The following DOCK8 variants were observed in gnomAD, a reference collection of about 807,000 sequenced individuals.
DOCK8 encodes dedicator of cytokinesis protein 8.
DOCK8 carries 141 observed loss-of-function variants against 245.6 expected under a neutral mutation model. That is an observed-to-expected ratio of 0.57 (90% CI 0.50 to 0.66). DOCK8 has a LOEUF of 0.66. DOCK8 is among the 30% of genes least tolerant of loss of function. The pLI is 0.00. For missense variants in DOCK8, 2,965 were observed against 2,603.4 expected, an observed-to-expected ratio of 1.14 and a Z score of -3.02; for synonymous variants, 1,168 against 970.2, an observed-to-expected ratio of 1.20 and a Z score of -3.79.
intron 1 of DOCK8, among the ~76,000 whole-genome samples, chr9:231,502 T>A (rs1328192792): frequency 6.6e-6 from 1 of 152,218 alleles, no homozygotes; most frequent in African/African-American, 2.4e-5. Context: ...AGTATGGCCA[T>A]TTTCACGATA....
At chr9:222,323 G>A (rs1457543253) in intron 1 of DOCK8, among the ~76,000 whole-genome samples, 1 of 152,034 alleles carries the variant, frequency 6.6e-6, no homozygotes, top group Admixed American at 6.5e-5. Flanking sequence ...AGTGTATAGA[G>A]TTTGATGGAG....
intron 28 of DOCK8, among the ~76,000 whole-genome samples, chr9:412,045 C>G (rs2055754791): frequency 6.6e-6 from 1 of 152,094 alleles, no homozygotes; most frequent in Non-Finnish European, 1.5e-5. Flanking sequence ...AAATGTCTAC[C>G]CTTGCCACTT....
chr9:214,754 C>T (rs1369039838), upstream of DOCK8: 2 of 1,529,920 alleles, frequency 1.3e-6, no homozygotes, highest in South Asian at 1.2e-5. Context: ...CCGCCGCTGC[C>T]TGCGCGCCAG....
intron 1 of DOCK8, among the ~76,000 whole-genome samples, chr9:228,631 A>C (rs1322990358): frequency 6.6e-6 from 1 of 152,160 alleles, no homozygotes; most frequent in Non-Finnish European, 1.5e-5. Flanking sequence ...TCTGGCCTTC[A>C]GAACTCTGAG....
intron 14 of DOCK8, among the ~76,000 whole-genome samples, chr9:342,052 TG>T (rs1209256082): frequency 6.6e-6 from 1 of 152,164 alleles, no homozygotes; most frequent in Non-Finnish European, 1.5e-5. Context: ...TATATTATTG[TG>T]AGTTATATAA....
chr9:333,898 C>G (rs1242030185), intron 10 of DOCK8, among the ~76,000 whole-genome samples: 1 of 152,146 alleles, frequency 6.6e-6, no homozygotes, highest in Admixed American at 6.5e-5. Context: ...TTATGCAAAT[C>G]CAAGTCACAT....
chr9:375,938 A>C (rs2053497013), intron 18 of DOCK8, among the ~76,000 whole-genome samples: 1 of 152,232 alleles, frequency 6.6e-6, no homozygotes, highest in Non-Finnish European at 1.5e-5. Flanking sequence ...TCGAGGCTGC[A>C]GTGAACCGTG....
At chr9:271,916 G>C (rs950840008) in intron 2 of DOCK8, among the ~76,000 whole-genome samples, 187 bp downstream of exon 2, 2 of 152,068 alleles carry the variant, frequency 1.3e-5, no homozygotes, top group African/African-American at 2.4e-5. Flanking sequence ...CCGGTACTTA[G>C]GGTACATAAT....
At chr9:247,057 C>T (rs915715314) in intron 1 of DOCK8, among the ~76,000 whole-genome samples, 5 of 152,112 alleles carry the variant, frequency 3.3e-5, no homozygotes, top group East Asian at 3.8e-4. Flanking sequence ...GGATCACATG[C>T]GAGCTACAGA....
intron 45 of DOCK8, 25 bp from the exon 46 acceptor site, chr9:451,971 ATATATATTTTTTTTT>A (rs1422974147): frequency 6.7e-5 from 27 of 401,248 alleles, no homozygotes; most frequent in African/African-American, 2.5e-4. Context: ...ATATATATAT[ATATATATTTTTTTTT>A]TTTTTTTTTT....
chr9:436,892 C>T (rs1455371518), intron 39 of DOCK8, among the ~76,000 whole-genome samples: 1 of 152,128 alleles, frequency 6.6e-6, no homozygotes, highest in East Asian at 1.9e-4. Flanking sequence ...TATAAAGAGG[C>T]ACAAGATATT....
chr9:344,868 A>G (rs758150866), intron 14 of DOCK8, among the ~76,000 whole-genome samples: 1 of 152,068 alleles, frequency 6.6e-6, no homozygotes, highest in Non-Finnish European at 1.5e-5. Flanking sequence ...CCTGGCCAAC[A>G]CGGTGACCCC....
rs75662945 is a variant in DOCK8, at chr9:268,449, A to G, written c.54-3178A>G. Among the ~76,000 whole-genome samples the G allele has an allele frequency of 3.4e-3, 511 of 152,334 alleles. 5 individuals are homozygous for G. In the East Asian group the frequency reaches 0.039, roughly 12 times the overall value. On this transcript the variant is annotated intron_variant, in intron 1 of 47. Transcript: ENST00000432829. ...AGAGCAGGAACATTCTGATTTCATG[A>G]TGACAAAAATACTAGAGTTTTGACA...
chr9:429,836 C>T lies in DOCK8; in HGVS notation c.4608C>T (p.Phe1536=), dbSNP rs773306620. Residue 1536 remains phenylalanine (F), a synonymous_variant, in exon 36 of 48, where the codon TTC becomes TTT. Transcript: ENST00000432829. ...ACATLYLLMR[F]SFGATSNFAR... Reference sequence around the variant, plus strand: ...CCACCCTTTACCTCCTCATGAGGTTCAGTTTTGGAGCCACCAGTGTAAGAG... The same window carrying T: ...CCACCCTTTACCTCCTCATGAGGTTTAGTTTTGGAGCCACCAGTGTAAGAG... The T allele has an allele frequency of 3.7e-6, 6 of 1,613,970 alleles. No homozygotes were observed. Among genetic ancestry groups the T allele is most frequent in the Non-Finnish European group, 4.2e-6 (5 of 1,180,020 alleles).
intron 46 of DOCK8, chr9:456,768 C>G (rs541618943): frequency 6.6e-6 from 1 of 152,126 alleles, no homozygotes; most frequent in African/African-American, 2.4e-5. Flanking sequence ...ATACAATCTT[C>G]TATCTTCCTC....
intron 40 of DOCK8, 114 bp from the exon 41 acceptor site, chr9:441,172 T>G: frequency 1.3e-6 from 2 of 1,491,658 alleles, no homozygotes; most frequent in Non-Finnish European, 1.9e-6. Context: ...TGAAATACTG[T>G]GATACAACAA....
intron 4 of DOCK8, among the ~76,000 whole-genome samples, chr9:300,146 A>G (rs1213231210): frequency 1.3e-5 from 2 of 152,200 alleles, no homozygotes; most frequent in East Asian, 1.9e-4. Flanking sequence ...GTTTGTCTTC[A>G]GAACACAATA....
At chr9:255,230 T>A (rs2047740847) in intron 1 of DOCK8, among the ~76,000 whole-genome samples, 2 of 152,214 alleles carry the variant, frequency 1.3e-5, no homozygotes, top group Admixed American at 6.5e-5. Context: ...AGAATGTCTT[T>A]AGATCATCCT....
chr9:363,141 A>G (rs527547600), intron 14 of DOCK8, among the ~76,000 whole-genome samples: 3 of 152,212 alleles, frequency 2.0e-5, no homozygotes, highest in Non-Finnish European at 4.4e-5. Flanking sequence ...AAAATCGCTG[A>G]TGATTATCAA....
Sources: allele counts gnomAD v4.1 joint callset (sites outside exome capture counted in the v4.1 genomes callset), GRCh38; gene constraint gnomAD v4.1.1; transcripts MANE v1.5; gene names NCBI Gene and HGNC (gene_info 2026-07-23, HGNC 2026-07-21).